The following MEF2A variants were observed in gnomAD, a reference collection of about 807,000 sequenced individuals.
MEF2A encodes the protein myocyte-specific enhancer factor 2A.
Under a neutral mutation model 55.8 loss-of-function variants are expected in MEF2A, and 28 were observed. The ratio of observed to expected loss-of-function variants is 0.50; its 90% CI spans 0.37 to 0.69. The LOEUF (loss-of-function observed/expected upper bound fraction) is 0.69, where lower values mean the gene tolerates loss of function less well. Ranked by LOEUF, MEF2A falls within the 30% of genes least tolerant of loss-of-function variation. The probability of loss-of-function intolerance (pLI) is 0.00; values close to 1 mark genes in which losing one functional copy is unlikely to be tolerated. For synonymous variants in MEF2A, 239 were observed against 227.1 expected, an observed-to-expected ratio of 1.05 and a Z score of -0.47; for missense variants, 528 against 626.2, an observed-to-expected ratio of 0.84 and a Z score of 1.67.
chr15:99,619,413 C>T (rs2040762521), intron 2 of MEF2A, among the ~76,000 whole-genome samples: 1 of 152,064 alleles, frequency 6.6e-6, no homozygotes, highest in Non-Finnish European at 1.5e-5. Flanking sequence ...GCGACCTTGG[C>T]GGGGTGATAT....
intron 1 of MEF2A, among the ~76,000 whole-genome samples, chr15:99,593,481 T>C (rs1970060891): frequency 6.6e-6 from 1 of 152,168 alleles, no homozygotes; most frequent in Non-Finnish European, 1.5e-5. Flanking sequence ...TCTTAAGGCA[T>C]GAGGAGTTGG....
At chr15:99,656,659 A>T (rs1037998214) in intron 4 of MEF2A, among the ~76,000 whole-genome samples, 1 of 152,160 alleles carries the variant, frequency 6.6e-6, no homozygotes, top group African/African-American at 2.4e-5. Flanking sequence ...ATACTGTAGT[A>T]GTACTGTCAC....
intron 1 of MEF2A, among the ~76,000 whole-genome samples, chr15:99,578,168 A>G (rs998075237): frequency 3.3e-5 from 5 of 152,222 alleles, no homozygotes; most frequent in African/African-American, 1.2e-4. Flanking sequence ...CTACTACTGT[A>G]GTATTAACCT....
At chr15:99,631,429 G>C (rs191487829) in intron 2 of MEF2A, among the ~76,000 whole-genome samples, 2 of 152,076 alleles carry the variant, frequency 1.3e-5, no homozygotes, top group East Asian at 3.9e-4. Context: ...TTTTGTCATG[G>C]GGCTTTTGTA....
At chr15:99,694,462 A>G (rs1287600522) in intron 8 of MEF2A, among the ~76,000 whole-genome samples, 1 of 152,202 alleles carries the variant, frequency 6.6e-6, no homozygotes, top group African/African-American at 2.4e-5. Context: ...TGAAATCCAA[A>G]ATGATCCAAT....
chr15:99,639,320 G>T (rs577575616), intron 3 of MEF2A, among the ~76,000 whole-genome samples: 5 of 151,784 alleles, frequency 3.3e-5, no homozygotes, highest in Non-Finnish European at 7.4e-5. Context: ...TTTTTAACAG[G>T]TATTATTTAA....
At chr15:99,677,936 A>T (rs1347821230) in intron 7 of MEF2A, among the ~76,000 whole-genome samples, 1 of 152,150 alleles carries the variant, frequency 6.6e-6, no homozygotes, top group Non-Finnish European at 1.5e-5. Context: ...GAAACAGATG[A>T]TCTCATACGT....
intron 1 of MEF2A, among the ~76,000 whole-genome samples, chr15:99,577,014 G>C (rs560892591): frequency 6.6e-6 from 1 of 152,268 alleles, no homozygotes; most frequent in South Asian, 2.1e-4. Flanking sequence ...TATAATTAAT[G>C]AACATCAAAA....
In MEF2A at chr15:99,601,857, GTC is replaced by G. The variant is rs1284783448; in HGVS notation, c.-143+3347_-143+3348del. On this transcript the variant is annotated intron_variant, in intron 2 of 11. Coordinates refer to ENST00000557942, the MANE Select transcript of MEF2A (RefSeq NM_001319206.4). ...TGTGTGTGTGTGTGTGTGTGTGTGT[GTC>G]AGGGTAATGCTGGTCTCAGAATGAG... 1.6e-3 allele frequency among the ~76,000 whole-genome samples: 63 copies of G among 40,122 alleles called. 1 individual carries two copies. Among genetic ancestry groups the G allele is most frequent in the Non-Finnish European group, 3.7e-3 (48 of 12,816 alleles). The allele number at this position is 40,122 out of a possible 152,430, so 26.3% of individuals were successfully genotyped here.
chr15:99,579,483 C>T (rs1166924291), intron 1 of MEF2A, among the ~76,000 whole-genome samples: 2 of 152,124 alleles, frequency 1.3e-5, no homozygotes, highest in African/African-American at 2.4e-5. Context: ...CAACCTCTGC[C>T]TCCCAGTTTC....
intron 8 of MEF2A, among the ~76,000 whole-genome samples, chr15:99,695,569 G>GTGTGTGTGTGTGTGTGTGTC (rs1318087543): frequency 6.6e-6 from 1 of 151,718 alleles, no homozygotes; most frequent in East Asian, 1.9e-4. Flanking sequence ...GTGTGTGTGT[G>GTGTGTGTGTGTGTGTGTGTC]TTTCTTAAAA....
At chr15:99,673,484 G>C (rs1245780560) in intron 5 of MEF2A, among the ~76,000 whole-genome samples, 1 of 152,076 alleles carries the variant, frequency 6.6e-6, no homozygotes, top group East Asian at 1.9e-4. Flanking sequence ...TTCCAACTTT[G>C]AATTAGCAGT....
intron 4 of MEF2A, among the ~76,000 whole-genome samples, chr15:99,664,707 A>G (rs533898070): frequency 1.3e-5 from 2 of 152,346 alleles, no homozygotes; most frequent in South Asian, 4.1e-4. Context: ...CTAGGTTGGT[A>G]AGTCCCAAGG....
intron 7 of MEF2A, among the ~76,000 whole-genome samples, chr15:99,676,229 T>A (rs2153654292): frequency 6.6e-6 from 1 of 152,310 alleles, no homozygotes; most frequent in South Asian, 2.1e-4. Flanking sequence ...AGACCTATTG[T>A]GGAGTCTTAC....
In MEF2A at chr15:99,678,075, G is replaced by A. The variant is rs141653231; in HGVS notation, c.670+2617G>A. 3.5e-3 allele frequency among the ~76,000 whole-genome samples: 534 copies of A among 152,156 alleles called. 6 individuals are homozygous for A. The highest frequency in any genetic ancestry group is 0.012 in the African/African-American group (482 of 41,526). Reference sequence around the variant, plus strand: ...AAATTGAATTAACAAAACAAATACTGATTATTTAAAAGACTAATAAAATGG... The same window carrying A: ...AAATTGAATTAACAAAACAAATACTAATTATTTAAAAGACTAATAAAATGG... On this transcript the variant is annotated intron_variant, in intron 7 of 11. Coordinates refer to ENST00000557942, the MANE Select transcript of MEF2A (RefSeq NM_001319206.4).
At chr15:99,577,152 A>G (rs547472955) in intron 1 of MEF2A, among the ~76,000 whole-genome samples, 27 of 152,338 alleles carry the variant, frequency 1.8e-4, no homozygotes, top group African/African-American at 4.8e-4. Context: ...TACACACTGT[A>G]TATGTAATTA....
rs1425183121 is a variant in MEF2A at position 99,710,664 on chromosome 15, C to G, written c.1040C>G (p.Ala347Gly). 3 of 1,613,620 alleles carry G rather than the reference C, an allele frequency of 1.9e-6. No homozygotes were observed. The change falls in exon 11 of 12, where the codon GCC becomes GGC. Residue 347 changes from alanine to glycine, a missense_variant. Coordinates refer to ENST00000557942, the MANE Select transcript of MEF2A (RefSeq NM_001319206.4). ...DYSLTSADLS[A>G]LQGFNSPGML... ...TCACTGACCAGCGCTGACCTGTCAGCCCTTCAAGGCTTCAACTCGCCAGGA... is the reference window on the plus strand; with the variant it reads ...TCACTGACCAGCGCTGACCTGTCAGGCCTTCAAGGCTTCAACTCGCCAGGA...
intron 4 of MEF2A, among the ~76,000 whole-genome samples, chr15:99,659,007 G>A (rs527839602): frequency 4.6e-5 from 7 of 151,958 alleles, no homozygotes; most frequent in East Asian, 1.9e-4. Context: ...GGGTGCTTTC[G>A]ATAAATTTTG....
chr15:99,681,210 T>C (rs1175971711), intron 7 of MEF2A, among the ~76,000 whole-genome samples: 1 of 152,184 alleles, frequency 6.6e-6, no homozygotes, highest in African/African-American at 2.4e-5. Flanking sequence ...AAGATGCTCT[T>C]GGAATTATTT....
Sources: gnomAD v4.1 joint callset for allele counts (sites outside exome capture counted in the v4.1 genomes callset) on GRCh38, gnomAD v4.1.1 for gene constraint, MANE v1.5 for transcripts, NCBI Gene and HGNC (gene_info 2026-07-23, HGNC 2026-07-21) for gene names.